IRAG1: variants seen among roughly 807,000 people sequenced by gnomAD.
The protein encoded by IRAG1 is inositol 1,4,5-triphosphate receptor associated 1, also known as IP3R-associated cGMP kinase substrate.
In IRAG1, 62 loss-of-function variants were observed where a neutral mutation model predicts 106.2. The ratio of observed to expected loss-of-function variants is 0.58; its 90% CI spans 0.48 to 0.72. The LOEUF (loss-of-function observed/expected upper bound fraction) is 0.72, where lower values mean the gene tolerates loss of function less well. IRAG1 is among the 30% of genes least tolerant of loss of function. The pLI, the probability that IRAG1 is intolerant of heterozygous loss-of-function variation, is 0.00. For missense variants in IRAG1, 1,064 were observed against 1,140.7 expected, an observed-to-expected ratio of 0.93 and a Z score of 0.97; for synonymous variants, 462 against 443.9, an observed-to-expected ratio of 1.04 and a Z score of -0.51.
At chr11:10,634,458 T>G (rs1856979985) in intron 2 of IRAG1, among the ~76,000 whole-genome samples, 1 of 152,304 alleles carries the variant, frequency 6.6e-6, no homozygotes, top group East Asian at 1.9e-4. Context: ...CATTATTAAC[T>G]ACAGTCACCG....
At chr11:10,605,108 G>A (rs1327714180) in intron 12 of IRAG1, among the ~76,000 whole-genome samples, 1 of 152,194 alleles carries the variant, frequency 6.6e-6, no homozygotes, top group Non-Finnish European at 1.5e-5. Flanking sequence ...GTTCGGTTAA[G>A]CTTTCTGGAA....
chr11:10,584,110 C>A (rs1040796567), intron 18 of IRAG1, among the ~76,000 whole-genome samples: 2 of 152,072 alleles, frequency 1.3e-5, no homozygotes, highest in Non-Finnish European at 2.9e-5. Context: ...CTGCAGCCCA[C>A]CTTCATGTCC....
intron 11 of IRAG1, among the ~76,000 whole-genome samples, chr11:10,608,752 A>G (rs1854689804): frequency 6.6e-6 from 1 of 152,190 alleles, no homozygotes; most frequent in Non-Finnish European, 1.5e-5. Context: ...TCCTTTTCAG[A>G]TAAGTGATTT....
chr11:10,621,834 TTGAAA>T (rs1855857998), intron 10 of IRAG1, among the ~76,000 whole-genome samples: 1 of 152,176 alleles, frequency 6.6e-6, no homozygotes, highest in African/African-American at 2.4e-5. Flanking sequence ...GTTTTACTAA[TTGAAA>T]TGAGCTCGAC....
intron 1 of IRAG1, among the ~76,000 whole-genome samples, chr11:10,676,852 T>C (rs1860718014): frequency 6.6e-6 from 1 of 152,234 alleles, no homozygotes. Flanking sequence ...CTCAATATGT[T>C]TGGAGGTTCA....
At chr11:10,619,594 C>T (rs1377358239) in intron 10 of IRAG1, among the ~76,000 whole-genome samples, 1 of 152,204 alleles carries the variant, frequency 6.6e-6, no homozygotes, top group Non-Finnish European at 1.5e-5. Flanking sequence ...AAGAATATCC[C>T]ATTTGGTTGG....
chr11:10,622,562 T>C (rs1855914251), intron 10 of IRAG1, among the ~76,000 whole-genome samples: 1 of 152,120 alleles, frequency 6.6e-6, no homozygotes, highest in African/African-American at 2.4e-5. Flanking sequence ...TAGAGTACAG[T>C]GGCACGATCA....
chr11:10,684,638 A>AAT (rs1254159391), intron 1 of IRAG1, among the ~76,000 whole-genome samples: 1 of 145,700 alleles, frequency 6.9e-6, no homozygotes, highest in East Asian at 2.0e-4. Flanking sequence ...TAATAATAAT[A>AAT]ATAATAATAA....
At chr11:10,633,255 G>A (rs779986575) in intron 3 of IRAG1, among the ~76,000 whole-genome samples, 1 of 151,860 alleles carries the variant, frequency 6.6e-6, no homozygotes, top group Admixed American at 6.6e-5. Context: ...TTCTGTATTT[G>A]TAGTAGAGAC....
At chr11:10,677,183 A>C (rs533956577) in intron 1 of IRAG1, among the ~76,000 whole-genome samples, 1 of 150,464 alleles carries the variant, frequency 6.6e-6, no homozygotes, top group Non-Finnish European at 1.5e-5. Flanking sequence ...CGCTCCCTCC[A>C]CTCTCCCAAC....
intron 14 of IRAG1, among the ~76,000 whole-genome samples, chr11:10,602,206 C>T (rs369865959): frequency 3.9e-5 from 6 of 152,346 alleles, no homozygotes; most frequent in South Asian, 4.1e-4. Flanking sequence ...GATGGCCCAG[C>T]GACAGGTCTT....
intron 2 of IRAG1, among the ~76,000 whole-genome samples, chr11:10,638,909 C>A (rs879916151): frequency 6.6e-6 from 1 of 152,118 alleles, no homozygotes; most frequent in Non-Finnish European, 1.5e-5. Context: ...AAGTAAAATA[C>A]ATATTTTATT....
intron 1 of IRAG1, chr11:10,690,484 C>T (rs1861975778): frequency 8.1e-7 from 1 of 1,232,692 alleles, no homozygotes; most frequent in Non-Finnish European, 1.0e-6. Flanking sequence ...GCGTGAGTTA[C>T]CTCTGCTAAG....
At chr11:10,593,795 G>A in intron 16 of IRAG1, 196 bp from the exon 17 acceptor site, 2 of 586,094 alleles carry the variant, frequency 3.4e-6, no homozygotes, top group Non-Finnish European at 6.1e-6. Context: ...GTTGGTGAGT[G>A]AACGCTCAAT....
rs1194528689 is a variant in IRAG1 at position 10,659,871 on chromosome 11, AG to A, written c.68-7690del. On this transcript the variant is annotated intron_variant, in intron 1 of 20. Coordinates refer to ENST00000423302, the MANE Select transcript of IRAG1 (RefSeq NM_130385.4). This position sits in a 1 kb window ranked among gnomAD's most constrained non-coding sequence, Gnocchi z 4.1. ...AATCTTGCCCAGTTCTGTTTGTTCC[AG>A]GCTGCTCAGCAGCCTCTTCCCTGAG... Among the ~76,000 whole-genome samples, 2 of 151,980 alleles carry A rather than the reference AG, an allele frequency of 1.3e-5. No individual in the cohort carries two copies. The highest frequency in any genetic ancestry group is 4.8e-5 in the African/African-American group (2 of 41,368).
rs528594933 is a variant in IRAG1 at position 10,662,272 on chromosome 11, G to T, written c.68-10090C>A. ...AAATACAAAACTTAGCCATCATCTG[G>T]GTTGCTATATAAGCAAGTGGGTGGC... On this transcript the variant is annotated intron_variant, in intron 1 of 20. Coordinates refer to ENST00000423302, the MANE Select transcript of IRAG1 (RefSeq NM_130385.4). Among the ~76,000 whole-genome samples the T allele has an allele frequency of 5.9e-5, 9 of 152,176 alleles. No homozygotes were observed. In the South Asian group the frequency reaches 1.7e-3, roughly 28 times the overall value.
rs760062173 is a variant in IRAG1, at chr11:10,632,031, G to A, written c.360C>T (p.His120=). ...RVHSPHKRLS[H]RHLKVSTASL... ...AGGCAGTGGACACCTTCAAGTGTCG[G>A]TGAGAAAGCCTCTTGTGGGGACTGT... Residue 120 remains histidine, a synonymous_variant, in exon 4 of 21, where the codon CAC becomes CAT. Coordinates refer to ENST00000423302, the MANE Select transcript of IRAG1 (RefSeq NM_130385.4). 5.0e-6 allele frequency: 8 copies of A among 1,613,882 alleles called. No individual in the cohort carries two copies. Among genetic ancestry groups the A allele is most frequent in the Middle Eastern group, 1.7e-4 (1 of 6,030 alleles).
intron 15 of IRAG1, chr11:10,599,938 G>A (rs935148378): frequency 2.6e-5 from 4 of 152,184 alleles, no homozygotes; most frequent in African/African-American, 9.7e-5. Flanking sequence ...ACTTACCAAT[G>A]ACTCCCCGTT....
At chr11:10,585,883 T>C (rs1851908991) in intron 18 of IRAG1, 1 of 151,866 alleles carries the variant, frequency 6.6e-6, no homozygotes, top group Admixed American at 6.6e-5. Flanking sequence ...AGATGGACTT[T>C]CCAGCCCTCC....
Sources: allele counts gnomAD v4.1 joint callset (sites outside exome capture counted in the v4.1 genomes callset), GRCh38; gene constraint gnomAD v4.1.1; non-coding constraint Gnocchi (gnomAD v3.1); transcripts MANE v1.5; gene names NCBI Gene and HGNC (gene_info 2026-07-23, HGNC 2026-07-21).